Variants in PACRG observed in about 807,000 individuals in gnomAD.
PACRG encodes the protein parkin coregulated, also known as parkin coregulated gene protein.
A neutral mutation model predicts 29.7 loss-of-function variants in PACRG; 29 were observed. The ratio of observed to expected loss-of-function variants is 0.98; its 90% confidence interval spans 0.73 to 1.33. The LOEUF (loss-of-function observed/expected upper bound fraction) is 1.33, where lower values mean the gene tolerates loss of function less well. Among genes scored for constraint, PACRG ranks in the 40% most tolerant of loss-of-function variants. The pLI is 0.00. For missense variants in PACRG, 279 were observed against 316.2 expected (o/e 0.88, Z 0.89); for synonymous variants, 116 against 118.7 (o/e 0.98, Z 0.15).
intron 2 of PACRG, among the ~76,000 whole-genome samples, chr6:162,984,610 G>A (rs886242381): frequency 1.3e-5 from 2 of 151,910 alleles, no homozygotes; most frequent in African/African-American, 4.8e-5. Flanking sequence ...TTTCATAGTG[G>A]TTGTACTAGT....
intron 3 of PACRG, among the ~76,000 whole-genome samples, chr6:163,063,089 C>T (rs1206852483): frequency 6.6e-6 from 1 of 152,146 alleles, no homozygotes; most frequent in African/African-American, 2.4e-5. Flanking sequence ...GCTGGCCCCT[C>T]TCACCCTCAC....
intron 2 of PACRG, among the ~76,000 whole-genome samples, chr6:162,912,700 T>G (rs1453045659): frequency 6.6e-6 from 1 of 151,566 alleles, no homozygotes; most frequent in Non-Finnish European, 1.5e-5. Flanking sequence ...GCCTCCCAAG[T>G]AGCTGGGATT....
chr6:163,010,130 G>T (rs1040623104), intron 2 of PACRG, among the ~76,000 whole-genome samples: 5 of 151,114 alleles, frequency 3.3e-5, no homozygotes, highest in Non-Finnish European at 5.9e-5. Context: ...ACAGTACAGG[G>T]CCCATAAAGT....
intron 4 of PACRG, among the ~76,000 whole-genome samples, chr6:163,293,247 A>T (rs1000498298): frequency 3.9e-5 from 6 of 152,212 alleles, no homozygotes; most frequent in Non-Finnish European, 1.5e-5. Flanking sequence ...AGTGCCTTAA[A>T]TCCTTCCTGG....
intron 2 of PACRG, among the ~76,000 whole-genome samples, chr6:162,926,143 GA>G: frequency 6.6e-6 from 1 of 151,964 alleles, no homozygotes; most frequent in Non-Finnish European, 1.5e-5. Context: ...CACTGCTCAA[GA>G]AAATAAGAGA....
chr6:163,049,839 T>A (rs117746801), intron 2 of PACRG, among the ~76,000 whole-genome samples: 5,430 of 152,206 alleles, frequency 0.036, 120 homozygotes, highest in Non-Finnish European at 0.054. Context: ...TATAGAAATG[T>A]AATTTGGTAC....
intron 3 of PACRG, among the ~76,000 whole-genome samples, chr6:163,075,948 T>G (rs1443829073): frequency 6.6e-6 from 1 of 152,200 alleles, no homozygotes; most frequent in Non-Finnish European, 1.5e-5. Context: ...TTGTTGCTGG[T>G]TCAGTACCAC....
chr6:162,987,529 C>A (rs1459499023), intron 2 of PACRG, among the ~76,000 whole-genome samples: 1 of 152,138 alleles, frequency 6.6e-6, no homozygotes, highest in Non-Finnish European at 1.5e-5. Flanking sequence ...CCCACGAGAT[C>A]TGATGGTTTT....
At chr6:162,817,561 T>C (rs1341094264) in intron 2 of PACRG, among the ~76,000 whole-genome samples, 1 of 152,230 alleles carries the variant, frequency 6.6e-6, no homozygotes, top group East Asian at 1.9e-4. Flanking sequence ...GGAAATGTTC[T>C]ACATCTGCAC....
intron 4 of PACRG, among the ~76,000 whole-genome samples, chr6:163,128,739 C>A (rs1411081960): frequency 6.6e-6 from 1 of 152,148 alleles, no homozygotes; most frequent in African/African-American, 2.4e-5. Flanking sequence ...ATGCATAGAA[C>A]AACTCACCCA....
intron 2 of PACRG, among the ~76,000 whole-genome samples, chr6:162,911,252 G>A (rs62427521): frequency 0.052 from 7,850 of 152,234 alleles, 262 homozygotes; most frequent in Admixed American, 0.097. Flanking sequence ...ATTGTGCTCT[G>A]TTGTTTATAG....
chr6:162,957,312 C>T (rs2128138548), intron 2 of PACRG: 2 of 592,162 alleles, frequency 3.4e-6, no homozygotes, highest in Non-Finnish European at 6.3e-6. Context: ...CACGCTTGAT[C>T]CTGTCCTGAA....
chr6:163,092,302 T>C (rs1027091704), intron 4 of PACRG, among the ~76,000 whole-genome samples: 1 of 144,438 alleles, frequency 6.9e-6, no homozygotes, highest in Non-Finnish European at 1.5e-5. Context: ...ATTGGGACAG[T>C]GGCCCATGTG....
intron 4 of PACRG, among the ~76,000 whole-genome samples, chr6:163,117,163 G>A (rs911263962): frequency 1.3e-5 from 2 of 152,218 alleles, no homozygotes; most frequent in Non-Finnish European, 2.9e-5. Context: ...ACACTGTCTA[G>A]CGTTACCCTT....
At position 163,254,123 on chromosome 6, in the gene PACRG, A is replaced by G. The variant is rs575240618; in HGVS notation, c.614-60704A>G. 4.4e-4 allele frequency among the ~76,000 whole-genome samples: 67 copies of G among 152,340 alleles called. 1 individual carries two copies. Among genetic ancestry groups the G allele is most frequent in the African/African-American group, 1.5e-3 (62 of 41,578 alleles). On this transcript the variant is annotated intron_variant, in intron 4 of 4. Coordinates refer to ENST00000366888, the MANE Select transcript of PACRG (RefSeq NM_001080379.2). ...GCATCGGGACAGCAGCAATTTCAAC[A>G]TAGCCCTGAGCCAACTTAAAATGCA...
chr6:163,155,613 A>G (rs1778280305), intron 4 of PACRG, among the ~76,000 whole-genome samples: 1 of 152,272 alleles, frequency 6.6e-6, no homozygotes, highest in African/African-American at 2.4e-5. Flanking sequence ...AGGGAAAGTT[A>G]TCTGCAACGA....
chr6:162,992,516 GT>G (rs1459515378), intron 2 of PACRG, among the ~76,000 whole-genome samples: 1 of 146,400 alleles, frequency 6.8e-6, no homozygotes. Context: ...AGATTTTCTA[GT>G]TTATTTGCAT....
rs1554237868 is a variant in PACRG at position 163,269,892 on chromosome 6, A to AGAAAG, written c.614-44935_614-44934insGAAAG. On this transcript the variant is annotated intron_variant, in intron 4 of 4. Transcript: ENST00000366888. ...GAGAAAGAAAGAAAGAAAGAAAGAA[A>AGAAAG]ACAAAGAAAGAAAGAAAGAAAGAAA... 2.7e-4 allele frequency among the ~76,000 whole-genome samples: 6 copies of AGAAAG among 22,570 alleles called. 2 individuals are homozygous for AGAAAG. The highest frequency in any genetic ancestry group is 8.6e-4 in the African/African-American group (4 of 4,652). 14.8% of individuals were successfully genotyped at this position (22,570 alleles called of 152,430 possible).
At chr6:162,734,268 CCTGT>C (rs59357873) in intron 1 of PACRG, among the ~76,000 whole-genome samples, 35,280 of 151,732 alleles carry the variant, frequency 0.23, 5,033 homozygotes, top group African/African-American at 0.39. Flanking sequence ...AAAGCTTTTT[CCTGT>C]CTAAGATGAT....
Sources: allele counts gnomAD v4.1 joint callset (sites outside exome capture counted in the v4.1 genomes callset), GRCh38; gene constraint gnomAD v4.1.1; transcripts MANE v1.5; gene names NCBI Gene and HGNC (gene_info 2026-07-23, HGNC 2026-07-21).